Variants in HSDL2 observed in about 807,000 individuals in gnomAD.
HSDL2 encodes hydroxysteroid dehydrogenase-like protein 2.
HSDL2 carries 27 observed loss-of-function variants against 46.3 expected under a neutral mutation model. The observed-to-expected ratio is 0.58, with a 90% CI of 0.43 to 0.80. The LOEUF is 0.80. Ranked by LOEUF, HSDL2 falls within the 30% of genes least tolerant of loss-of-function variation. The pLI, the probability that HSDL2 is intolerant of heterozygous loss-of-function variation, is 0.00. For missense variants in HSDL2, 451 were observed against 502.7 expected (o/e 0.90, Z 0.98); for synonymous variants, 153 against 163.6 (o/e 0.94, Z 0.50).
intron 2 of HSDL2, 150 bp from the exon 3 acceptor site, chr9:112,405,474 C>T (rs766260799): frequency 3.7e-6 from 2 of 545,606 alleles, no homozygotes; most frequent in Non-Finnish European, 6.4e-6. Context: ...GTCTGTCCTG[C>T]TATATGGTAG....
Position 112,416,904 on chromosome 9 carries a change from A to C in HSDL2, c.459A>C (p.Pro153=). The change falls in exon 5 of 11, where the codon CCA becomes CCC. Residue 153 remains proline (P), a synonymous_variant. Coordinates refer to ENST00000398805, the MANE Select transcript of HSDL2 (RefSeq NM_032303.5). The stretch of plus-strand genomic sequence containing the variant: ...TTGCTCATATCCTCAATATCAGTCC[A>C]CCACTGAACCTAAATCCAGTTTGGT... ...SKVAHILNIS[P]PLNLNPVWFK... The C allele has an allele frequency of 6.2e-7, 1 of 1,605,070 alleles. No homozygotes were observed. The highest frequency in any genetic ancestry group is 1.1e-5 in the South Asian group (1 of 90,760).
At chr9:112,456,957 G>A (rs1833047254) in intron 9 of HSDL2, among the ~76,000 whole-genome samples, 1 of 152,112 alleles carries the variant, frequency 6.6e-6, no homozygotes, top group South Asian at 2.1e-4. Flanking sequence ...GACCAGCTTG[G>A]CCAACATGGC....
chr9:112,441,705 C>G lies in HSDL2; in HGVS notation c.800C>G (p.Pro267Arg). ...FDVYAIKPGH[P>R]LQPDFFLDEY... ...TTTGGGGTCAATTTTTCAGGTCATC[C>G]TTTGCAACCAGATTTCTTCTTAGAT... Residue 267 changes from proline (P) to arginine (R), a missense_variant, in exon 8 of 11, where the codon CCT (proline) becomes CGT (arginine). Transcript: ENST00000398805. 6.2e-7 allele frequency: 1 copy of G among 1,612,184 alleles called. No homozygotes were observed. Among genetic ancestry groups the G allele is most frequent in the Middle Eastern group, 1.7e-4 (1 of 6,054 alleles).
chr9:112,408,866 A>G, intron 3 of HSDL2, 41 bp from the exon 4 acceptor site: 1 of 1,103,226 alleles, frequency 9.1e-7, no homozygotes, highest in Non-Finnish European at 1.4e-6. Context: ...TGTGTGATAA[A>G]AAGTCTTTCA....
chr9:112,441,816 T>A, intron 8 of HSDL2, 46 bp downstream of exon 8: 3 of 1,231,586 alleles, frequency 2.4e-6, no homozygotes, highest in Non-Finnish European at 3.6e-6. Context: ...AAATCCTAAC[T>A]TATGTATTTC....
intron 8 of HSDL2, among the ~76,000 whole-genome samples, chr9:112,450,128 G>C (rs921079437): frequency 3.3e-5 from 5 of 151,918 alleles, no homozygotes; most frequent in Middle Eastern, 3.2e-3. Flanking sequence ...AAATTAGTCT[G>C]TATAGAAAAG....
intron 1 of HSDL2, among the ~76,000 whole-genome samples, chr9:112,392,812 C>T (rs149746732): frequency 3.7e-4 from 57 of 152,206 alleles, no homozygotes; most frequent in African/African-American, 1.3e-3. Context: ...CCTGAGGTGA[C>T]GTACATCCTC....
At chr9:112,391,886 C>CAAAAAAA (rs769571189) in intron 1 of HSDL2, among the ~76,000 whole-genome samples, 1 of 55,200 alleles carries the variant, frequency 1.8e-5, no homozygotes, top group East Asian at 3.7e-4. Context: ...AACTCTGTCT[C>CAAAAAAA]AAAAAAAAAA....
At chr9:112,425,091 T>G (rs1832216337) in intron 6 of HSDL2, among the ~76,000 whole-genome samples, 1 of 152,270 alleles carries the variant, frequency 6.6e-6, no homozygotes, top group East Asian at 1.9e-4. Flanking sequence ...ATATTTGTTG[T>G]GTTCTTGTCA....
intron 9 of HSDL2, among the ~76,000 whole-genome samples, chr9:112,458,880 C>T (rs1438860830): frequency 6.6e-6 from 1 of 151,794 alleles, no homozygotes; most frequent in Non-Finnish European, 1.5e-5. Flanking sequence ...ACTAGGGAGG[C>T]TGAGGCAGGA....
chr9:112,447,918 G>T (rs1832788318), intron 8 of HSDL2, among the ~76,000 whole-genome samples: 10 of 152,106 alleles, frequency 6.6e-5, no homozygotes, highest in Admixed American at 6.5e-4. Flanking sequence ...TGAGTTTTTT[G>T]TTGTTGTTTT....
In HSDL2 at chr9:112,416,852, G is replaced by A; in HGVS notation, c.407G>A (p.Cys136Tyr). The change falls in exon 5 of 11, where the codon TGT (cysteine) becomes TAT (tyrosine). Residue 136 changes from cysteine (C) to tyrosine (Y), a missense_variant. Cys to Tyr is a radical substitution (Grantham distance 194, BLOSUM62 -2). Transcript: ENST00000398805. ...TCTTTTGCTTTCAGATCTAAAGCAT[G>A]TATTCCTTATTTGAAAAAGAGCAAA... ...TRGTYLASKA[C>Y]IPYLKKSKVA... 6.6e-7 allele frequency: 1 copy of A among 1,521,674 alleles called. No individual in the cohort carries two copies. Among genetic ancestry groups the A allele is most frequent in the Non-Finnish European group, 9.1e-7 (1 of 1,096,854 alleles). 94.3% of individuals were successfully genotyped at this position (1,521,674 alleles called of 1,614,324 possible). A position where few individuals can be genotyped will look rare whatever the true frequency, so the allele number is the denominator to read the frequency against.
intron 1 of HSDL2, among the ~76,000 whole-genome samples, chr9:112,399,339 C>T (rs1682850986): frequency 6.6e-6 from 1 of 152,030 alleles, no homozygotes; most frequent in Non-Finnish European, 1.5e-5. Flanking sequence ...CTTCAAAGGG[C>T]AAAAAGCAGA....
At chr9:112,461,915 G>C (rs1833220312) in intron 10 of HSDL2, among the ~76,000 whole-genome samples, 1 of 152,128 alleles carries the variant, frequency 6.6e-6, no homozygotes, top group African/African-American at 2.4e-5. Context: ...TGTGGTCTTG[G>C]ATTCACTGGA....
intron 6 of HSDL2, among the ~76,000 whole-genome samples, chr9:112,436,751 A>G (rs553514186): frequency 7.2e-5 from 11 of 152,164 alleles, no homozygotes; most frequent in Admixed American, 6.5e-4. Context: ...TATGTAAGAA[A>G]ATTGAGATGT....
At chr9:112,394,712 C>T (rs536348933) in intron 1 of HSDL2, among the ~76,000 whole-genome samples, 2 of 152,224 alleles carry the variant, frequency 1.3e-5, no homozygotes, top group East Asian at 1.9e-4. Flanking sequence ...CTGATCTCTC[C>T]GGAAGGTAAG....
chr9:112,443,942 A>G (rs1303264207), intron 8 of HSDL2, among the ~76,000 whole-genome samples: 1 of 152,208 alleles, frequency 6.6e-6, no homozygotes, highest in Non-Finnish European at 1.5e-5. Context: ...TAGAGTGTAA[A>G]ATCAGTGTTT....
chr9:112,464,797 C>T (rs1413306667), intron 10 of HSDL2, among the ~76,000 whole-genome samples: 1 of 152,180 alleles, frequency 6.6e-6, no homozygotes, highest in African/African-American at 2.4e-5. Context: ...AAACCTCCCA[C>T]CCATTAGCGG....
chr9:112,388,164 A>AC (rs373418803), intron 1 of HSDL2, among the ~76,000 whole-genome samples: 1,957 of 151,328 alleles, frequency 0.013, 43 homozygotes, highest in African/African-American at 0.045. Flanking sequence ...GTCTCAGAAA[A>AC]AAACAAACAA....
Sources: gnomAD v4.1 joint callset for allele counts (sites outside exome capture counted in the v4.1 genomes callset) on GRCh38, gnomAD v4.1.1 for gene constraint, MANE v1.5 for transcripts, NCBI Gene and HGNC (gene_info 2026-07-23, HGNC 2026-07-21) for gene names.